The following C14orf132 variants were observed in gnomAD, a reference collection of about 807,000 sequenced individuals.
C14orf132 encodes chromosome 14 open reading frame 132.
C14orf132 carries 6 observed loss-of-function variants against 5.8 expected under a neutral mutation model. The observed-to-expected ratio is 1.03, with a 90% CI of 0.57 to 2.04. The LOEUF is 2.04. Among genes scored for constraint, C14orf132 ranks in the 30% most tolerant of loss-of-function variants. C14orf132 has a pLI of 0.00. For missense variants in C14orf132, 125 were observed against 115.8 expected (o/e 1.08, Z -0.37); for synonymous variants, 51 against 49.8 (o/e 1.02, Z -0.10).
intron 1 of C14orf132, among the ~76,000 whole-genome samples, chr14:96,073,917 C>T (rs756883601): frequency 4.6e-5 from 7 of 152,158 alleles, no homozygotes; most frequent in Admixed American, 2.6e-4. Flanking sequence ...AGCTGTTATC[C>T]TCAGCAAACT....
At chr14:96,084,283 C>A (rs560584634) in intron 1 of C14orf132, among the ~76,000 whole-genome samples, 1 of 152,164 alleles carries the variant, frequency 6.6e-6, no homozygotes, top group East Asian at 1.9e-4. Flanking sequence ...GCAGGGGTCG[C>A]GGGGGGATGT....
At chr14:96,059,445 A>T (rs1305284524) in intron 1 of C14orf132, among the ~76,000 whole-genome samples, 1 of 152,140 alleles carries the variant, frequency 6.6e-6, no homozygotes, top group Admixed American at 6.5e-5. Flanking sequence ...AGCACTTCTC[A>T]TCATTCCCAT....
Position 96,086,860 on chromosome 14 carries a change from G to T in C14orf132, c.*125G>T. 1.1e-6 allele frequency: 1 copy of T among 924,906 alleles called. No homozygotes were observed. The highest frequency in any genetic ancestry group is 1.6e-6 in the Non-Finnish European group (1 of 625,836). 57.3% of individuals were successfully genotyped at this position (924,906 alleles called of 1,614,324 possible). On this transcript the variant is annotated 3_prime_UTR_variant, in exon 2 of 2. Transcript: ENST00000555004. The stretch of plus-strand genomic sequence containing the variant: ...GACCAGGGGCGGCGGCCGTCCTTCT[G>T]GAATTTCTCCCCAGCAGCCCTGATT...
rs1042698259 is a variant in C14orf132, at chr14:96,088,143, G to A, written c.*1408G>A. On this transcript the variant is annotated 3_prime_UTR_variant, in exon 2 of 2. Coordinates refer to ENST00000555004, the MANE Select transcript of C14orf132 (RefSeq NM_001252507.3). Reference sequence around the variant, plus strand: ...TTAAAAAGCTGGTTAGGAAGCTCTCGTGTATATTTAGAGACAATTACAAGA... The same window carrying A: ...TTAAAAAGCTGGTTAGGAAGCTCTCATGTATATTTAGAGACAATTACAAGA... 2.0e-5 allele frequency: 3 copies of A among 152,186 alleles called. No individual in the cohort carries two copies. The highest frequency in any genetic ancestry group is 6.5e-5 in the Admixed American group (1 of 15,284). The allele number at this position is 152,186 out of a possible 1,614,324, so 9.4% of individuals were successfully genotyped here.
rs553017727 is a variant in C14orf132 at position 96,064,977 on chromosome 14, C to T, written c.28-21534C>T. Among the ~76,000 whole-genome samples, 105 of 152,312 alleles carry T rather than the reference C, an allele frequency of 6.9e-4. 1 individual carries two copies. In the Middle Eastern group the frequency reaches 0.02, roughly 30 times the overall value. On this transcript the variant is annotated intron_variant, in intron 1 of 1. Transcript: ENST00000555004. ...GGGATTGTGCACACACATGGTGCCACCTCCCTTAGCTTCTCTGGCCCTGTT... is the reference window on the plus strand; with the variant it reads ...GGGATTGTGCACACACATGGTGCCATCTCCCTTAGCTTCTCTGGCCCTGTT...
In C14orf132 at chr14:96,087,533, T is replaced by A. The variant is rs1365172889; in HGVS notation, c.*798T>A. 6.6e-6 allele frequency: 1 copy of A among 152,128 alleles called. No individual in the cohort carries two copies. Among genetic ancestry groups the A allele is most frequent in the Non-Finnish European group, 1.5e-5 (1 of 68,038 alleles). The allele number at this position is 152,128 out of a possible 1,614,324, so 9.4% of individuals were successfully genotyped here. ...AAAGATGAACAAGATTCACATCCAC[T>A]GAATTATTCAACGGATGGGTCAGAA... is the stretch of plus-strand genomic sequence containing the variant. On this transcript the variant is annotated 3_prime_UTR_variant, in exon 2 of 2. Coordinates refer to ENST00000555004, the MANE Select transcript of C14orf132 (RefSeq NM_001252507.3).
chr14:96,067,714 A>T (rs1425987142), intron 1 of C14orf132, among the ~76,000 whole-genome samples: 1 of 151,536 alleles, frequency 6.6e-6, no homozygotes, highest in African/African-American at 2.4e-5. Flanking sequence ...AAAAAAAAAA[A>T]TTAGCATGCA....
rs1370327224 is a variant in C14orf132, at chr14:96,087,965, C to A, written c.*1230C>A. 3 of 150,300 alleles carry A rather than the reference C, an allele frequency of 2.0e-5. No individual in the cohort carries two copies. Among genetic ancestry groups the A allele is most frequent in the African/African-American group, 7.4e-5 (3 of 40,656 alleles). The allele number at this position is 150,300 out of a possible 1,614,324, so 9.3% of individuals were successfully genotyped here. On this transcript the variant is annotated 3_prime_UTR_variant, in exon 2 of 2. Coordinates refer to ENST00000555004, the MANE Select transcript of C14orf132 (RefSeq NM_001252507.3). ...GAACCACCCCCACCCCCACCCCCCA[C>A]ACCTTCCCAAGGCAGCATCCCAGTG...
At chr14:96,070,343 G>A (rs1198337346) in intron 1 of C14orf132, among the ~76,000 whole-genome samples, 1 of 152,078 alleles carries the variant, frequency 6.6e-6, no homozygotes, top group African/African-American at 2.4e-5. Context: ...TTGGATCACT[G>A]GAGCTGACCT....
chr14:96,058,010 G>T (rs535050033), intron 1 of C14orf132, among the ~76,000 whole-genome samples: 1 of 152,152 alleles, frequency 6.6e-6, no homozygotes, highest in Non-Finnish European at 1.5e-5. Flanking sequence ...TCCGTTGAAC[G>T]TGTTACACAG....
At position 96,086,593 on chromosome 14, in the gene C14orf132, A is replaced by G; in HGVS notation, c.110A>G (p.Asn37Ser). ...TACTCCCTGTTTAACTCCTCTGCCA[A>G]TGTCCACGCGGCTGCCAATGGCCAG... The part of the protein sequence containing the change: ...TEYSLFNSSA[N>S]VHAAANGQGQ... Residue 37 changes from asparagine to serine, a missense_variant, in exon 2 of 2, where the codon AAT becomes AGT. Coordinates refer to ENST00000555004, the MANE Select transcript of C14orf132 (RefSeq NM_001252507.3). The G allele has an allele frequency of 6.5e-7, 1 of 1,536,094 alleles. No individual in the cohort carries two copies. The highest frequency in any genetic ancestry group is 8.7e-7 in the Non-Finnish European group (1 of 1,146,902).
intron 1 of C14orf132, among the ~76,000 whole-genome samples, chr14:96,046,530 A>T (rs1228392502): frequency 6.6e-6 from 1 of 152,202 alleles, no homozygotes; most frequent in Non-Finnish European, 1.5e-5. Flanking sequence ...TGACCATTTT[A>T]TTTGGTTCAG....
At chr14:96,072,904 C>T (rs1415571912) in intron 1 of C14orf132, among the ~76,000 whole-genome samples, 1 of 152,172 alleles carries the variant, frequency 6.6e-6, no homozygotes, top group Non-Finnish European at 1.5e-5. Flanking sequence ...GCGTTGTTTC[C>T]AGTGTAGGGC....
chr14:96,066,384 A>T (rs1009390400), intron 1 of C14orf132, among the ~76,000 whole-genome samples: 31 of 152,154 alleles, frequency 2.0e-4, no homozygotes, highest in African/African-American at 7.2e-4. Context: ...TACTATGGCA[A>T]CACTTTCAGA....
At chr14:96,066,891 A>G (rs1887549378) in intron 1 of C14orf132, among the ~76,000 whole-genome samples, 1 of 152,216 alleles carries the variant, frequency 6.6e-6, no homozygotes, top group East Asian at 1.9e-4. Flanking sequence ...ACCCCAATAG[A>G]GAAAGCTGTT....
intron 1 of C14orf132, among the ~76,000 whole-genome samples, chr14:96,069,480 G>A (rs1237376937): frequency 6.6e-6 from 1 of 151,998 alleles, no homozygotes; most frequent in African/African-American, 2.4e-5. Context: ...TAATACCTGT[G>A]TGGTGGGAAG....
In C14orf132 at chr14:96,090,588, C is replaced by T. The variant is rs1388121959; in HGVS notation, c.*3853C>T. 6.6e-6 allele frequency: 3 copies of T among 455,860 alleles called. No homozygotes were observed. The highest frequency in any genetic ancestry group is 2.4e-5 in the Admixed American group (1 of 42,550). The allele number at this position is 455,860 out of a possible 1,614,324, so 28.2% of individuals were successfully genotyped here. On this transcript the variant is annotated 3_prime_UTR_variant, in exon 2 of 2. Coordinates refer to ENST00000555004, the MANE Select transcript of C14orf132 (RefSeq NM_001252507.3). ...CTACTCCAAGCCAATGCTGTCCTTC[C>T]CCTTTCCCATGAAATCAAGGTCAAG...
chr14:96,049,269 TAAGAGCCTATTTTA>T (rs1333679921), intron 1 of C14orf132, among the ~76,000 whole-genome samples: 3 of 152,114 alleles, frequency 2.0e-5, no homozygotes, highest in Non-Finnish European at 4.4e-5. Context: ...CATAAATTTT[TAAGAGCCTATTTTA>T]AAATCCAATC....
intron 1 of C14orf132, among the ~76,000 whole-genome samples, chr14:96,075,092 A>T (rs1039520507): frequency 6.6e-6 from 1 of 152,128 alleles, no homozygotes; most frequent in African/African-American, 2.4e-5. Flanking sequence ...TTGCTATTTC[A>T]TCAGTATGTT....
Sources: gnomAD v4.1 joint callset for allele counts (sites outside exome capture counted in the v4.1 genomes callset) on GRCh38, gnomAD v4.1.1 for gene constraint, MANE v1.5 for transcripts, NCBI Gene and HGNC (gene_info 2026-07-23, HGNC 2026-07-21) for gene names.